TNPO3: variants seen among roughly 807,000 people sequenced by gnomAD.
TNPO3 encodes the protein transportin 3.
TNPO3 carries 65 observed loss-of-function variants against 122.8 expected under a neutral mutation model. The observed-to-expected ratio is 0.53, with a 90% confidence interval of 0.43 to 0.65. The LOEUF (loss-of-function observed/expected upper bound fraction) is 0.65, where lower values mean the gene tolerates loss of function less well. Among genes scored for constraint, TNPO3 ranks in the 30% least tolerant of loss-of-function variants. TNPO3 has a pLI of 0.00. For synonymous variants in TNPO3, 372 were observed against 411.2 expected (o/e 0.90, Z 1.15); for missense variants, 850 against 1,136.7 (o/e 0.75, Z 3.63).
rs1033830577 is a variant in TNPO3 at position 128,998,717 on chromosome 7, T to G, written c.1012-1182A>C. 3.3e-5 allele frequency among the ~76,000 whole-genome samples: 5 copies of G among 151,958 alleles called. No individual in the cohort carries two copies. In the Middle Eastern group the frequency reaches 0.01, roughly 310 times the overall value. On this transcript the variant is annotated intron_variant, in intron 7 of 22. Transcript: ENST00000265388. ...TTTTAAATTTTCTGTAGAGACAAGG[T>G]CTTGCTTTGTTGCCCAGGCTGGTCT...
At chr7:129,006,933 A>G (rs1802639956) in intron 4 of TNPO3, among the ~76,000 whole-genome samples, 1 of 152,006 alleles carries the variant, frequency 6.6e-6, no homozygotes, top group Non-Finnish European at 1.5e-5. Flanking sequence ...ACAAAAAACC[A>G]CCTTTCCTTC....
In TNPO3 at chr7:129,055,010, A is replaced by C; in HGVS notation, c.-240T>G. On this transcript the variant is annotated 5_prime_UTR_variant, in exon 1 of 23. Transcript: ENST00000265388. The stretch of plus-strand genomic sequence containing the variant: ...TTCCGGTTTTTCCACTTGATTCTAG[A>C]CTCTTGAGTCCACAGATTCTGGCGC... 1 of 494,116 alleles carries C rather than the reference A, an allele frequency of 2.0e-6. No individual in the cohort carries two copies. The highest frequency in any genetic ancestry group is 3.7e-6 in the Non-Finnish European group (1 of 273,416). The allele number at this position is 494,116 out of a possible 1,614,324, so 30.6% of individuals were successfully genotyped here. A position where few individuals can be genotyped will look rare whatever the true frequency, so the allele number is the denominator to read the frequency against.
At chr7:129,012,430 T>C (rs1359067945) in intron 4 of TNPO3, among the ~76,000 whole-genome samples, 4 of 152,156 alleles carry the variant, frequency 2.6e-5, no homozygotes, top group Non-Finnish European at 4.4e-5. Context: ...TTACTACAGG[T>C]TAAGTATCCC....
chr7:129,003,885 T>G (rs1343611885), intron 5 of TNPO3, among the ~76,000 whole-genome samples: 1 of 152,220 alleles, frequency 6.6e-6, no homozygotes, highest in Non-Finnish European at 1.5e-5. Flanking sequence ...TTACCACTGT[T>G]AAGTTTGAAG....
Position 129,054,785 on chromosome 7 carries a change from T to C in TNPO3, c.-15A>G, listed in dbSNP as rs1175203844. On this transcript the variant is annotated 5_prime_UTR_variant, in exon 1 of 23. Coordinates refer to ENST00000265388, the MANE Select transcript of TNPO3 (RefSeq NM_012470.4). The stretch of plus-strand genomic sequence containing the variant: ...GCTCCTTCCATGGTGGTGGCGGTAG[T>C]GGCGGTAGCGACGGCTCTGATTCTT... 1 of 1,614,036 alleles carries C rather than the reference T, an allele frequency of 6.2e-7. No homozygotes were observed. The highest frequency in any genetic ancestry group is 2.2e-5 in the East Asian group (1 of 44,882).
At chr7:128,972,141 A>G (rs1174485527) in intron 19 of TNPO3, among the ~76,000 whole-genome samples, 1 of 152,182 alleles carries the variant, frequency 6.6e-6, no homozygotes, top group African/African-American at 2.4e-5. Context: ...AAAACACCAA[A>G]CACTGGCATC....
intron 1 of TNPO3, among the ~76,000 whole-genome samples, chr7:129,052,221 A>G (rs1405361373): frequency 6.6e-6 from 1 of 152,186 alleles, no homozygotes; most frequent in African/African-American, 2.4e-5. Flanking sequence ...GGTTTGGCCA[A>G]TGGGGAATCC....
intron 1 of TNPO3, among the ~76,000 whole-genome samples, chr7:129,025,207 G>T (rs552424685): frequency 6.6e-6 from 1 of 150,530 alleles, no homozygotes; most frequent in African/African-American, 2.4e-5. Flanking sequence ...AAAATTAGCC[G>T]GGCGTGGTGG....
At chr7:128,998,744 G>A (rs539727692) in intron 7 of TNPO3, among the ~76,000 whole-genome samples, 16 of 152,120 alleles carry the variant, frequency 1.1e-4, no homozygotes, top group Middle Eastern at 3.4e-3. Flanking sequence ...GGCTGGTCTC[G>A]AACTCATGGG....
At chr7:129,014,651 C>T (rs985588971) in intron 4 of TNPO3, among the ~76,000 whole-genome samples, 1 of 152,104 alleles carries the variant, frequency 6.6e-6, no homozygotes, top group Admixed American at 6.5e-5. Context: ...CCTTTATTAA[C>T]AGCCAACAGT....
In TNPO3 at chr7:128,990,080, A is replaced by G; in HGVS notation, c.1379T>C (p.Val460Ala). ...SVDPENNPTL[V>A]EVLEGVVRLP... is the part of the protein sequence containing the mutation. Reference sequence around the variant, plus strand: ...GCGGACAACTCCTTCTAGGACTTCCACAAGTGTTGGATTGTTTTCCCTGAG... The same window carrying G: ...GCGGACAACTCCTTCTAGGACTTCCGCAAGTGTTGGATTGTTTTCCCTGAG... Residue 460 changes from valine to alanine, a missense_variant, in exon 11 of 23, where the codon GTG (valine) becomes GCG (alanine). Transcript: ENST00000265388. The G allele has an allele frequency of 5.0e-6, 8 of 1,614,182 alleles. No homozygotes were observed. Among genetic ancestry groups the G allele is most frequent in the Non-Finnish European group, 6.8e-6 (8 of 1,180,032 alleles).
intron 22 of TNPO3, among the ~76,000 whole-genome samples, chr7:128,956,455 G>A (rs1484785736): frequency 2.6e-5 from 4 of 152,166 alleles, no homozygotes; most frequent in Admixed American, 2.0e-4. Context: ...CGGAAAGCAC[G>A]TGGAGAAAAG....
intron 1 of TNPO3, among the ~76,000 whole-genome samples, chr7:129,050,219 TA>T (rs781159870): frequency 2.6e-4 from 39 of 151,428 alleles, no homozygotes; most frequent in South Asian, 1.0e-3. Flanking sequence ...TTGTCTCTAC[TA>T]AAAAATACAA....
chr7:128,968,326 A>G (rs1484577183), intron 20 of TNPO3, among the ~76,000 whole-genome samples: 2 of 152,164 alleles, frequency 1.3e-5, no homozygotes, highest in Non-Finnish European at 2.9e-5. Flanking sequence ...TATTTTTTAT[A>G]TAAGTATATC....
At chr7:128,969,991 G>A (rs950963650) in intron 20 of TNPO3, among the ~76,000 whole-genome samples, 157 bp downstream of exon 20, 2 of 152,096 alleles carry the variant, frequency 1.3e-5, no homozygotes, top group South Asian at 2.1e-4. Flanking sequence ...TGATCTTTAC[G>A]GGCCTCTTCA....
upstream of TNPO3, chr7:129,055,916 G>C: frequency 1.6e-6 from 1 of 634,680 alleles, no homozygotes. Context: ...GTAAAACACT[G>C]TAGTTACAAG....
intron 4 of TNPO3, among the ~76,000 whole-genome samples, chr7:129,014,500 G>A (rs892761967): frequency 2.6e-5 from 4 of 152,114 alleles, no homozygotes; most frequent in Non-Finnish European, 5.9e-5. Context: ...TACAGCCTAG[G>A]AGACAGAGAC....
rs773744158 is a variant in TNPO3 at position 129,017,055 on chromosome 7, A to G, written c.323T>C (p.Leu108Pro). ...GGCAAGATCTGCTATTGCTAAAGCC[A>G]GCTGAATAAGAGAGATTAAATAAAT... is the stretch of plus-strand genomic sequence containing the variant. ...KDLSPVIVTQ[L>P]ALAIADLALQ... is the part of the protein sequence containing the mutation. The change falls in exon 3 of 23, where the codon CTG (leucine) becomes CCG (proline). Residue 108 changes from leucine (L) to proline (P), a missense_variant and splice_region_variant. Physicochemically the swap from Leu to Pro is moderately conservative, Grantham distance 98. Coordinates refer to ENST00000265388, the MANE Select transcript of TNPO3 (RefSeq NM_012470.4). 2 of 1,611,312 alleles carry G rather than the reference A, an allele frequency of 1.2e-6. No individual in the cohort carries two copies. The highest frequency in any genetic ancestry group is 1.7e-6 in the Non-Finnish European group (2 of 1,179,606).
chr7:128,965,596 G>C (rs1490954081), intron 21 of TNPO3, among the ~76,000 whole-genome samples: 1 of 152,174 alleles, frequency 6.6e-6, no homozygotes, highest in Non-Finnish European at 1.5e-5. Flanking sequence ...TTCTACCTCT[G>C]GGTATCCAAA....
Sources: gnomAD v4.1 joint callset for allele counts (sites outside exome capture counted in the v4.1 genomes callset) on GRCh38, gnomAD v4.1.1 for gene constraint, MANE v1.5 for transcripts, NCBI Gene and HGNC (gene_info 2026-07-23, HGNC 2026-07-21) for gene names.